ANKRD45: variants seen among roughly 807,000 people sequenced by gnomAD.
ANKRD45 encodes ankyrin repeat domain 45.
In ANKRD45, 21 loss-of-function variants were observed where a neutral mutation model predicts 28.1. The observed-to-expected ratio is 0.75, with a 90% CI of 0.53 to 1.08. ANKRD45 has a LOEUF of 1.08. ANKRD45 is among the 50% of genes least tolerant of loss of function. The probability of loss-of-function intolerance (pLI) is 0.00; values close to 1 mark genes in which losing one functional copy is unlikely to be tolerated. For synonymous variants in ANKRD45, 86 were observed against 103.9 expected (o/e 0.83, Z 1.05); for missense variants, 261 against 308.7 (o/e 0.85, Z 1.16).
intron 5 of ANKRD45, among the ~76,000 whole-genome samples, chr1:173,622,471 G>A (rs1432291650): frequency 6.6e-6 from 1 of 152,052 alleles, no homozygotes; most frequent in African/African-American, 2.4e-5. Flanking sequence ...ATAGACCAAT[G>A]GAAAAGAATA....
chr1:173,676,361 A>G, the ANKRD45 span, among the ~76,000 whole-genome samples: 1 of 152,232 alleles, frequency 6.6e-6, no homozygotes, highest in Non-Finnish European at 1.5e-5. Flanking sequence ...AACTGTTAAA[A>G]GCTGTAAATA....
At chr1:173,626,289 T>C (rs1406973893) in intron 4 of ANKRD45, among the ~76,000 whole-genome samples, 1 of 152,206 alleles carries the variant, frequency 6.6e-6, no homozygotes, top group Non-Finnish European at 1.5e-5. Flanking sequence ...ACATTTCTGA[T>C]ACCTTCAGTA....
At chr1:173,701,468 A>G in the ANKRD45 span, among the ~76,000 whole-genome samples, 3 of 152,218 alleles carry the variant, frequency 2.0e-5, no homozygotes, top group Non-Finnish European at 4.4e-5. Context: ...GCACATATAT[A>G]CCATGGAATA....
At chr1:173,707,103 C>T in the ANKRD45 span, among the ~76,000 whole-genome samples, 1 of 152,046 alleles carries the variant, frequency 6.6e-6, no homozygotes, top group South Asian at 2.1e-4. Flanking sequence ...TGTAAACTGG[C>T]TGTTCATATA....
chr1:173,659,911 C>G lies in ANKRD45; in HGVS notation c.-15-478G>C, dbSNP rs149823271. On this transcript the variant is annotated intron_variant, in intron 1 of 5. Coordinates refer to ENST00000333279, the MANE Select transcript of ANKRD45 (RefSeq NM_198493.3). ...GAAAGCACTGTGTAAATTGTGAAAA[C>G]CAGAATCAAATTTATTTCCTACCTT... Among the ~76,000 whole-genome samples, 13 of 152,128 alleles carry G rather than the reference C, an allele frequency of 8.5e-5. No individual in the cohort carries two copies. In the East Asian group the frequency reaches 1.9e-3, roughly 23 times the overall value.
chr1:173,690,617 G>GT, the ANKRD45 span, among the ~76,000 whole-genome samples: 7 of 152,294 alleles, frequency 4.6e-5, no homozygotes, highest in Non-Finnish European at 8.8e-5. Flanking sequence ...GAAGATTGAG[G>GT]TATTGAGGAT....
At chr1:173,694,534 T>TTTTTTA in the ANKRD45 span, among the ~76,000 whole-genome samples, 10 of 144,102 alleles carry the variant, frequency 6.9e-5, no homozygotes, top group African/African-American at 2.0e-4. Context: ...ACTTAAGAAG[T>TTTTTTA]TTATTATTAT....
At chr1:173,675,870 C>T in the ANKRD45 span, among the ~76,000 whole-genome samples, 6 of 152,238 alleles carry the variant, frequency 3.9e-5, no homozygotes, top group Non-Finnish European at 8.8e-5. Context: ...TTTAAATTGG[C>T]TTTGATGGAA....
rs1667022666 is a variant in ANKRD45 at position 173,608,694 on chromosome 1, C to T, written c.*1451G>A. Reference sequence around the variant, plus strand: ...TGCAGGAGTTACAGGTTACAGTGAGCTATGATCATGATAACTCCACTGCAT... The same window carrying T: ...TGCAGGAGTTACAGGTTACAGTGAGTTATGATCATGATAACTCCACTGCAT... On this transcript the variant is annotated 3_prime_UTR_variant, in exon 6 of 6. Coordinates refer to ENST00000333279, the MANE Select transcript of ANKRD45 (RefSeq NM_198493.3). Among the ~76,000 whole-genome samples the T allele has an allele frequency of 6.7e-6, 1 of 150,366 alleles. No homozygotes were observed. Among genetic ancestry groups the T allele is most frequent in the Non-Finnish European group, 1.5e-5 (1 of 67,774 alleles).
At chr1:173,689,900 C>T in the ANKRD45 span, among the ~76,000 whole-genome samples, 1 of 152,046 alleles carries the variant, frequency 6.6e-6, no homozygotes, top group Non-Finnish European at 1.5e-5. Flanking sequence ...TCCTTTCTTC[C>T]TCTGAAAAGA....
chr1:173,624,985 G>T (rs1294516678), intron 4 of ANKRD45, 60 bp from the exon 5 acceptor site: 9 of 1,549,250 alleles, frequency 5.8e-6, no homozygotes, highest in Non-Finnish European at 7.9e-6. Context: ...AAACTCAACA[G>T]TATCTCTAAA....
chr1:173,670,129 A>T (rs956597378), upstream of ANKRD45, among the ~76,000 whole-genome samples: 3 of 152,224 alleles, frequency 2.0e-5, no homozygotes, highest in African/African-American at 4.8e-5. Flanking sequence ...ATGAGGTTGC[A>T]TTCTAAAAAC....
At chr1:173,610,955 T>A (rs1490643290) in intron 5 of ANKRD45, among the ~76,000 whole-genome samples, 1 of 152,214 alleles carries the variant, frequency 6.6e-6, no homozygotes, top group East Asian at 1.9e-4. Flanking sequence ...TCCTCCGTAC[T>A]TAATCTCTCT....
At chr1:173,710,511 C>T in the ANKRD45 span, among the ~76,000 whole-genome samples, 1 of 152,182 alleles carries the variant, frequency 6.6e-6, no homozygotes, top group South Asian at 2.1e-4. Context: ...GGGTTGTCCG[C>T]ATGTGCAATG....
the ANKRD45 span, among the ~76,000 whole-genome samples, chr1:173,699,382 T>C: frequency 6.6e-6 from 1 of 152,156 alleles, no homozygotes; most frequent in Non-Finnish European, 1.5e-5. Flanking sequence ...AAGAGAATTT[T>C]AGACCAATAT....
At chr1:173,670,736 A>G (rs2102407185), upstream of ANKRD45, among the ~76,000 whole-genome samples, 1 of 152,298 alleles carries the variant, frequency 6.6e-6, no homozygotes, top group South Asian at 2.1e-4. Flanking sequence ...TCTCTCTAAA[A>G]TAATAATTGG....
chr1:173,681,179 A>T, the ANKRD45 span, among the ~76,000 whole-genome samples: 1 of 152,134 alleles, frequency 6.6e-6, no homozygotes, highest in Non-Finnish European at 1.5e-5. Flanking sequence ...TTTGGGTTTT[A>T]AAAAAATTAG....
At chr1:173,628,658 G>T (rs1668050262) in intron 3 of ANKRD45, among the ~76,000 whole-genome samples, 1 of 152,200 alleles carries the variant, frequency 6.6e-6, no homozygotes, top group South Asian at 2.1e-4. Context: ...TTGACTCCAG[G>T]ACTTGACTCC....
chr1:173,705,147 G>A, the ANKRD45 span, among the ~76,000 whole-genome samples: 5 of 152,218 alleles, frequency 3.3e-5, no homozygotes, highest in East Asian at 1.9e-4. Flanking sequence ...TCTAGCATCC[G>A]GTGGATTGTG....
Sources: gnomAD v4.1 joint callset for allele counts (sites outside exome capture counted in the v4.1 genomes callset) on GRCh38, gnomAD v4.1.1 for gene constraint, MANE v1.5 for transcripts, NCBI Gene and HGNC (gene_info 2026-07-23, HGNC 2026-07-21) for gene names.